Variants in ITGA11 observed in about 807,000 individuals in gnomAD.
ITGA11 encodes the protein integrin subunit alpha 11, also known as integrin alpha-11.
A neutral mutation model predicts 141.9 loss-of-function variants in ITGA11; 97 were observed. The observed-to-expected ratio is 0.68, with a 90% CI of 0.58 to 0.81. The LOEUF is 0.81. Among genes scored for constraint, ITGA11 ranks in the 30% least tolerant of loss-of-function variants. ITGA11 has a pLI of 0.00. For synonymous variants in ITGA11, 658 were observed against 624.6 expected, an observed-to-expected ratio of 1.05 and a Z score of -0.80; for missense variants, 1,387 against 1,559.2, an observed-to-expected ratio of 0.89 and a Z score of 1.86.
At chr15:68,398,370 G>A (rs907052962) in intron 2 of ITGA11, among the ~76,000 whole-genome samples, 1 of 151,494 alleles carries the variant, frequency 6.6e-6, no homozygotes, top group African/African-American at 2.4e-5. Context: ...TGATAAAACA[G>A]ACTTTAAACC....
rs145528889 is a variant in ITGA11 at position 68,349,045 on chromosome 15, G to A, written c.1061-145C>T. 1.7e-3 allele frequency: 1,251 copies of A among 718,270 alleles called. 11 individuals are homozygous for A. In the African/African-American group the frequency reaches 0.02, roughly 11 times the overall value. 44.5% of individuals were successfully genotyped at this position (718,270 alleles called of 1,614,324 possible). On this transcript the variant is annotated intron_variant, in intron 9 of 29. Transcript: ENST00000315757. ...TTCGAGGGGGGGCTCTGAAGCTGAG[G>A]CCAGTAGTGTGCCAGCCTCCTCAGC...
chr15:68,400,542 A>AATAT (rs1179416509), intron 2 of ITGA11, among the ~76,000 whole-genome samples: 7 of 118,404 alleles, frequency 5.9e-5, no homozygotes, highest in African/African-American at 2.2e-4. Context: ...GTGTATACAG[A>AATAT]ATATATATAT....
In ITGA11 at chr15:68,390,390, G is replaced by A. The variant is rs551787632; in HGVS notation, c.164+12528C>T. 5.9e-5 allele frequency among the ~76,000 whole-genome samples: 9 copies of A among 152,248 alleles called. 1 individual carries two copies. Among genetic ancestry groups the A allele is most frequent in the African/African-American group, 2.2e-4 (9 of 41,530 alleles). The stretch of plus-strand genomic sequence containing the variant: ...GAGTCAGCGGTGGATTCTTCCCTGG[G>A]GGCAATGCTGGGACCTGGATTTGGG... On this transcript the variant is annotated intron_variant, in intron 2 of 29. Transcript: ENST00000315757.
chr15:68,414,696 G>A (rs560022984), intron 1 of ITGA11, among the ~76,000 whole-genome samples: 5 of 152,296 alleles, frequency 3.3e-5, no homozygotes, highest in East Asian at 1.9e-4. Context: ...GGGCACTCCC[G>A]TGGGCAGGCC....
intron 11 of ITGA11, among the ~76,000 whole-genome samples, chr15:68,337,240 C>T (rs1894389729): frequency 2.0e-5 from 3 of 152,180 alleles, no homozygotes. Flanking sequence ...AGCTTCCTGC[C>T]TTCCAGCTGT....
intron 2 of ITGA11, among the ~76,000 whole-genome samples, chr15:68,400,888 T>G (rs1896486053): frequency 1.7e-5 from 1 of 59,382 alleles, no homozygotes. Context: ...ATATAATAAA[T>G]ATTATAATAT....
chr15:68,367,040 T>C (rs1051669416), intron 3 of ITGA11, among the ~76,000 whole-genome samples: 2 of 152,174 alleles, frequency 1.3e-5, no homozygotes, highest in African/African-American at 4.8e-5. Context: ...CTGACAGATG[T>C]TCTTTCTGCC....
Position 68,307,335 on chromosome 15 carries a change from C to T in ITGA11, c.3381+13G>A, listed in dbSNP as rs758948358. The T allele has an allele frequency of 2.1e-5, 33 of 1,547,356 alleles. No homozygotes were observed. The highest frequency in any genetic ancestry group is 2.9e-5 in the Non-Finnish European group (33 of 1,142,846). On this transcript the variant is annotated intron_variant, in intron 28 of 29. Transcript: ENST00000315757. This position sits in a 1 kb window ranked among gnomAD's most constrained non-coding sequence, Gnocchi z 6.1. ...GGCCTAAGCCCAGTTCTGCAGGGCT[C>T]CCAGGGGCTCACCTGGCGGCTGGGA...
At chr15:68,347,668 G>A (rs1206880582) in intron 10 of ITGA11, among the ~76,000 whole-genome samples, 1 of 152,152 alleles carries the variant, frequency 6.6e-6, no homozygotes, top group African/African-American at 2.4e-5. Context: ...GCTGCTTGGT[G>A]TAGAGGAAAG....
intron 21 of ITGA11, 79 bp from the exon 22 acceptor site, chr15:68,315,806 C>G: frequency 1.6e-6 from 2 of 1,222,530 alleles, no homozygotes; most frequent in Non-Finnish European, 2.3e-6. Context: ...CCCACAGCCC[C>G]CTGCTGGCTT....
intron 2 of ITGA11, among the ~76,000 whole-genome samples, chr15:68,390,040 A>C (rs116252271): frequency 0.014 from 2,177 of 152,300 alleles, 52 homozygotes; most frequent in African/African-American, 0.05. Context: ...ACAAGGGCTT[A>C]AAAAGCAGGG....
chr15:68,396,267 C>T (rs998150427), intron 2 of ITGA11, among the ~76,000 whole-genome samples: 2 of 151,852 alleles, frequency 1.3e-5, no homozygotes, highest in Non-Finnish European at 2.9e-5. Context: ...ATCAATCAAT[C>T]AATCAATCAA....
Position 68,341,593 on chromosome 15 carries a change from C to T in ITGA11, c.1132-1949G>A, listed in dbSNP as rs1894571759. Among the ~76,000 whole-genome samples, 3 of 152,186 alleles carry T rather than the reference C, an allele frequency of 2.0e-5. No individual in the cohort carries two copies. The South Asian group carries it at 6.2e-4, about 32-fold the overall frequency. Reference sequence around the variant, plus strand: ...TCCCCAAAGCCTGCTGTGGGTCCAGCTTTCCATTTTCCACCTGAACCCTCC... The same window carrying T: ...TCCCCAAAGCCTGCTGTGGGTCCAGTTTTCCATTTTCCACCTGAACCCTCC... On this transcript the variant is annotated intron_variant, in intron 10 of 29. Coordinates refer to ENST00000315757, the MANE Select transcript of ITGA11 (RefSeq NM_001004439.2).
In ITGA11 at chr15:68,319,670, G is replaced by A. The variant is rs192554056; in HGVS notation, c.2616+515C>T. On this transcript the variant is annotated intron_variant, in intron 20 of 29. Coordinates refer to ENST00000315757, the MANE Select transcript of ITGA11 (RefSeq NM_001004439.2). ...TCCGAGCAAGCCTGCAGGGTGCACT[G>A]TTGGTAGAACGTGTGGATGGCTGGT... Among the ~76,000 whole-genome samples, 20 of 152,368 alleles carry A rather than the reference G, an allele frequency of 1.3e-4. No individual in the cohort carries two copies. In the East Asian group the frequency reaches 2.9e-3, roughly 22 times the overall value.
At chr15:68,354,272 A>G (rs988202488) in intron 7 of ITGA11, among the ~76,000 whole-genome samples, 5 of 152,210 alleles carry the variant, frequency 3.3e-5, no homozygotes, top group Non-Finnish European at 7.3e-5. Flanking sequence ...TGGTGCCTAA[A>G]ATAGTGTGAG....
chr15:68,352,629 CAG>C (rs1204585362), intron 7 of ITGA11, among the ~76,000 whole-genome samples: 2 of 152,218 alleles, frequency 1.3e-5, no homozygotes, highest in Non-Finnish European at 2.9e-5. Flanking sequence ...TGAGGCCTGA[CAG>C]AGCTCTGACT....
At chr15:68,347,196 G>A (rs1247633324) in intron 10 of ITGA11, among the ~76,000 whole-genome samples, 2 of 152,210 alleles carry the variant, frequency 1.3e-5, no homozygotes, top group Non-Finnish European at 2.9e-5. Flanking sequence ...GCCCCCACAT[G>A]AATGGATGCT....
Position 68,348,886 on chromosome 15 carries a change from C to T in ITGA11, c.1075G>A (p.Glu359Lys), listed in dbSNP as rs201141546. 27 of 1,607,288 alleles carry T rather than the reference C, an allele frequency of 1.7e-5. No individual in the cohort carries two copies. Among genetic ancestry groups the T allele is most frequent in the Middle Eastern group, 1.6e-4 (1 of 6,082 alleles). The change falls in exon 10 of 30, where the codon GAG becomes AAG. Residue 359 changes from glutamate (E) to lysine (K), a missense_variant. Physicochemically the swap from Glu to Lys is moderately conservative, Grantham distance 56. Transcript: ENST00000315757. The stretch of plus-strand genomic sequence containing the variant: ...GACATCTCCAGCCCAAAGGAGGTCT[C>T]GTTCTTGTTGGTGCCTGCAACAGAG... ...IFSLEGTNKNETSFGLEMSQT... is the reference protein window; with the variant it reads ...IFSLEGTNKNKTSFGLEMSQT...
chr15:68,316,506 T>C (rs548186308), intron 21 of ITGA11, among the ~76,000 whole-genome samples: 1 of 152,252 alleles, frequency 6.6e-6, no homozygotes, highest in Admixed American at 6.5e-5. Flanking sequence ...TCCTGCTCCA[T>C]CCCCACTCCA....
Sources: allele counts gnomAD v4.1 joint callset (sites outside exome capture counted in the v4.1 genomes callset), GRCh38; gene constraint gnomAD v4.1.1; non-coding constraint Gnocchi (gnomAD v3.1); transcripts MANE v1.5; gene names NCBI Gene and HGNC (gene_info 2026-07-23, HGNC 2026-07-21).